The following SEMA3A variants were observed in gnomAD, a reference collection of about 807,000 sequenced individuals.
SEMA3A encodes the protein semaphorin 3A.
In SEMA3A, 29 loss-of-function variants were observed where a neutral mutation model predicts 97.9. The ratio of observed to expected loss-of-function variants is 0.30; its 90% CI spans 0.22 to 0.40. The LOEUF is 0.40. SEMA3A is among the 10% of genes least tolerant of loss of function. The pLI is 1.00. For synonymous variants in SEMA3A, 321 were observed against 323.7 expected (o/e 0.99, Z 0.09); for missense variants, 763 against 951.3 (o/e 0.80, Z 2.60).
chr7:84,234,590 C>T (rs1261862297), intron 3 of SEMA3A, among the ~76,000 whole-genome samples: 1 of 152,002 alleles, frequency 6.6e-6, no homozygotes, highest in Non-Finnish European at 1.5e-5. Flanking sequence ...AGTCTTTGAA[C>T]CATACCCTTG....
intron 1 of SEMA3A, among the ~76,000 whole-genome samples, chr7:84,475,534 A>G (rs930838601): frequency 1.3e-5 from 2 of 152,258 alleles, no homozygotes; most frequent in African/African-American, 4.8e-5. Context: ...TAAATCTATT[A>G]TATAAAAATA....
intron 1 of SEMA3A, among the ~76,000 whole-genome samples, chr7:84,407,479 T>C (rs1804128759): frequency 6.6e-6 from 1 of 152,034 alleles, no homozygotes; most frequent in Non-Finnish European, 1.5e-5. Flanking sequence ...CAAGGTAATT[T>C]ATAGATTCAA....
At chr7:84,120,636 C>G (rs1795582504) in intron 3 of SEMA3A, among the ~76,000 whole-genome samples, 1 of 152,166 alleles carries the variant, frequency 6.6e-6, no homozygotes, top group South Asian at 2.1e-4. Flanking sequence ...ATCTGTACAA[C>G]TGAAGTGCCA....
chr7:83,977,949 A>G (rs1413776343), intron 14 of SEMA3A, among the ~76,000 whole-genome samples: 1 of 151,752 alleles, frequency 6.6e-6, no homozygotes, highest in East Asian at 2.0e-4. Flanking sequence ...GACTACAGGC[A>G]GCCGCCACCA....
At position 84,370,217 on chromosome 7, in the gene SEMA3A, T is replaced by A. The variant is rs560360271; in HGVS notation, c.-169+1607A>T. Among the ~76,000 whole-genome samples the A allele has an allele frequency of 3.3e-5, 5 of 151,720 alleles. No individual in the cohort carries two copies. The South Asian group carries it at 1.0e-3, about 31-fold the overall frequency. ...CAATTGCTGGTTTTGAGTATAGGCATAAACTGATAAAAGAAGTTGTGTTTA... is the reference window on the plus strand; with the variant it reads ...CAATTGCTGGTTTTGAGTATAGGCAAAAACTGATAAAAGAAGTTGTGTTTA... On this transcript the variant is annotated intron_variant, in intron 2 of 3. Coordinates refer to the SEMA3A transcript ENST00000424555.
chr7:84,369,896 T>A (rs1213373373), intron 2 of SEMA3A, among the ~76,000 whole-genome samples: 2 of 150,920 alleles, frequency 1.3e-5, no homozygotes, highest in Non-Finnish European at 3.0e-5. Context: ...AATTATCAAC[T>A]GAGATGATTC....
rs187462483 is a variant in SEMA3A, at chr7:84,191,978, T to C, written c.112+2497A>G. 3.3e-3 allele frequency among the ~76,000 whole-genome samples: 506 copies of C among 152,044 alleles called. 2 individuals are homozygous for C. The highest frequency in any genetic ancestry group is 0.011 in the African/African-American group (464 of 41,530). On this transcript the variant is annotated intron_variant, in intron 1 of 16. Coordinates refer to ENST00000265362, the MANE Select transcript of SEMA3A (RefSeq NM_006080.3). ...ACTTCTTTTTAACATGTCAAGTCTC[T>C]TTCATCTCCTACCAGGCAAAAATGA...
chr7:84,157,936 G>T (rs1011764841), intron 1 of SEMA3A, among the ~76,000 whole-genome samples: 3 of 152,040 alleles, frequency 2.0e-5, no homozygotes, highest in African/African-American at 7.2e-5. Context: ...ATGTGGGATA[G>T]AAATCACAAC....
At chr7:84,432,935 T>C (rs753636019) in intron 1 of SEMA3A, among the ~76,000 whole-genome samples, 2 of 151,622 alleles carry the variant, frequency 1.3e-5, no homozygotes, top group Middle Eastern at 3.4e-3. Context: ...CTGGGTTGAA[T>C]GGTAGTTCTG....
At chr7:84,354,506 T>A (rs1802510702) in intron 2 of SEMA3A, among the ~76,000 whole-genome samples, 1 of 151,660 alleles carries the variant, frequency 6.6e-6, no homozygotes, top group African/African-American at 2.4e-5. Flanking sequence ...TTGAATAGAT[T>A]ATTTTAGGAG....
intron 3 of SEMA3A, among the ~76,000 whole-genome samples, chr7:84,289,905 C>T (rs1800698760): frequency 6.6e-6 from 1 of 152,000 alleles, no homozygotes; most frequent in African/African-American, 2.4e-5. Flanking sequence ...TAAATTGTGG[C>T]ATATCCATTC....
intron 2 of SEMA3A, among the ~76,000 whole-genome samples, chr7:84,330,423 C>T (rs1203437933): frequency 1.3e-5 from 2 of 151,990 alleles, no homozygotes; most frequent in African/African-American, 4.8e-5. Context: ...AACAAATTAT[C>T]ATATGCACTT....
At chr7:84,095,034 TACACACAC>T (rs201130876) in intron 4 of SEMA3A, among the ~76,000 whole-genome samples, 1 of 148,462 alleles carries the variant, frequency 6.7e-6, no homozygotes, top group African/African-American at 2.5e-5. Flanking sequence ...CATACACACT[TACACACAC>T]ACACACACAA....
At chr7:84,256,007 C>T (rs471477) in intron 3 of SEMA3A, among the ~76,000 whole-genome samples, 107,305 of 151,784 alleles carry the variant, frequency 0.71, 38,137 homozygotes, top group East Asian at 0.79. Flanking sequence ...CTGGAGTTTT[C>T]TGAAGACGAT....
chr7:83,983,894 C>T (rs1202190950), intron 13 of SEMA3A, among the ~76,000 whole-genome samples: 1 of 152,116 alleles, frequency 6.6e-6, no homozygotes, highest in Non-Finnish European at 1.5e-5. Flanking sequence ...TGCAACACTA[C>T]TTGTCCCTCT....
chr7:84,306,169 A>AT (rs918667289), intron 3 of SEMA3A, among the ~76,000 whole-genome samples: 1 of 151,612 alleles, frequency 6.6e-6, no homozygotes, highest in Middle Eastern at 3.6e-3. Flanking sequence ...GATGTGATAA[A>AT]TTTTTTTTGT....
chr7:84,445,787 C>A (rs1297444262), intron 1 of SEMA3A, among the ~76,000 whole-genome samples: 1 of 150,736 alleles, frequency 6.6e-6, no homozygotes, highest in Admixed American at 6.6e-5. Flanking sequence ...CAAAGCAACA[C>A]CTAAATTCAC....
At chr7:84,162,153 A>G (rs1267304851) in intron 1 of SEMA3A, among the ~76,000 whole-genome samples, 4 of 152,220 alleles carry the variant, frequency 2.6e-5, no homozygotes, top group Non-Finnish European at 4.4e-5. Flanking sequence ...TTATTTTTAT[A>G]TCAGTGTGCA....
chr7:84,307,900 T>C (rs2115851084), intron 2 of SEMA3A, among the ~76,000 whole-genome samples: 1 of 152,218 alleles, frequency 6.6e-6, no homozygotes, highest in Admixed American at 6.5e-5. Flanking sequence ...CTTTGTAACA[T>C]TAATTGTACA....
Sources: allele counts gnomAD v4.1 joint callset (sites outside exome capture counted in the v4.1 genomes callset), GRCh38; gene constraint gnomAD v4.1.1; transcripts MANE v1.5; gene names NCBI Gene and HGNC (gene_info 2026-07-23, HGNC 2026-07-21).